Variants in TP53I13 observed in about 807,000 individuals in gnomAD.
TP53I13 encodes the protein tumor protein p53 inducible protein 13, also known as tumor protein p53-inducible protein 13.
Under a neutral mutation model 39.1 loss-of-function variants are expected in TP53I13, and 27 were observed. That is an observed-to-expected ratio of 0.69 (90% CI 0.51 to 0.95). The LOEUF (loss-of-function observed/expected upper bound fraction) is 0.95, where lower values mean the gene tolerates loss of function less well. Among genes scored for constraint, TP53I13 ranks in the 40% least tolerant of loss-of-function variants. The pLI is 0.00. For missense variants in TP53I13, 544 were observed against 520.4 expected, an observed-to-expected ratio of 1.05 and a Z score of -0.44; for synonymous variants, 230 against 224.6, an observed-to-expected ratio of 1.02 and a Z score of -0.22.
At chr17:29,567,387 C>G (rs2032747047), upstream of TP53I13, 1 of 151,964 alleles carries the variant, frequency 6.6e-6, no homozygotes, top group Admixed American at 6.6e-5. The surrounding 1 kb of genome is among the most constrained non-coding windows in gnomAD (Gnocchi z 6.6). Context: ...CCTCAGAGGC[C>G]GATGAAAAGA....
At chr17:29,578,742 T>G in the TP53I13 span, 1 of 1,613,986 alleles carries the variant, frequency 6.2e-7, no homozygotes, top group Non-Finnish European at 8.5e-7. Flanking sequence ...GCCTGCAGCT[T>G]CTTCTTAGCA....
chr17:29,577,778 G>T, downstream of TP53I13: 1 of 1,332,864 alleles, frequency 7.5e-7, no homozygotes, highest in Non-Finnish European at 1.1e-6. Flanking sequence ...CAGCCACGGT[G>T]GCCAGGCCCC....
At chr17:29,577,676 A>G, downstream of TP53I13, 3 of 1,612,838 alleles carry the variant, frequency 1.9e-6, no homozygotes, top group Non-Finnish European at 2.5e-6. Flanking sequence ...TTCCGGGTTA[A>G]CAGGCAGGAA....
At chr17:29,577,698 T>C, downstream of TP53I13, 1 of 1,612,980 alleles carries the variant, frequency 6.2e-7, no homozygotes, top group Non-Finnish European at 8.5e-7. Flanking sequence ...GGCACGGCAC[T>C]GCGCTCTGTC....
chr17:29,568,681 G>A (rs2032796414), upstream of TP53I13: 2 of 972,658 alleles, frequency 2.1e-6, no homozygotes, highest in Non-Finnish European at 1.2e-6. The surrounding 1 kb of genome is among the most constrained non-coding windows in gnomAD (Gnocchi z 4.5). Flanking sequence ...GGGGGCGCTG[G>A]GGCTGGAGGG....
chr17:29,569,517 G>T (rs1308349983), intron 3 of TP53I13, 158 bp downstream of exon 3: 2 of 665,538 alleles, frequency 3.0e-6, no homozygotes, highest in East Asian at 2.7e-5. Context: ...CCAAGCCCAG[G>T]ACAGATCAGC....
At chr17:29,579,042 C>T in the TP53I13 span, 7 of 1,556,604 alleles carry the variant, frequency 4.5e-6, no homozygotes, top group Non-Finnish European at 6.2e-6. Context: ...CGGCAGTTAC[C>T]CAGGAGCAGG....
rs770700462 is a variant in TP53I13 at position 29,571,600 on chromosome 17, G to A, written c.193G>A (p.Val65Ile). Residue 65 changes from valine (V) to isoleucine (I), a missense_variant, in exon 4 of 7, where the codon GTC (valine) becomes ATC (isoleucine). By Grantham distance (29) the Val-to-Ile change is conservative. Transcript: ENST00000301057. ...TRVSPGQAED[V>I]TFLYHPCAHP... ...TGTGCCTTTCCTCCAGGCTGAGGAT[G>A]TCACCTTCCTCTACCACCCCTGTGC... The A allele has an allele frequency of 6.2e-7, 1 of 1,613,586 alleles. No individual in the cohort carries two copies. Among genetic ancestry groups the A allele is most frequent in the East Asian group, 2.2e-5 (1 of 44,900 alleles).
chr17:29,578,842 T>C, the TP53I13 span: 3 of 1,572,188 alleles, frequency 1.9e-6, no homozygotes, highest in Non-Finnish European at 2.6e-6. Flanking sequence ...GCCAGGCCCA[T>C]GCCAGCAACC....
At chr17:29,569,550 CAG>C in intron 3 of TP53I13, 191 bp downstream of exon 3, 3 of 562,096 alleles carry the variant, frequency 5.3e-6, no homozygotes, top group Middle Eastern at 4.8e-4. Context: ...GGCTCAAAGA[CAG>C]TGAGCCATAG....
intron 3 of TP53I13, 42 bp from the exon 4 acceptor site, chr17:29,571,549 G>A: frequency 6.2e-7 from 1 of 1,606,958 alleles, no homozygotes; most frequent in Non-Finnish European, 8.5e-7. Flanking sequence ...TTCTCTGGGA[G>A]GGCTCTGGGC....
At chr17:29,577,705 T>C (rs769240664), downstream of TP53I13, 1 of 1,612,864 alleles carries the variant, frequency 6.2e-7, no homozygotes, top group South Asian at 1.1e-5. Flanking sequence ...CACTGCGCTC[T>C]GTCACCAGAG....
chr17:29,578,388 G>T, the TP53I13 span: 2 of 1,612,836 alleles, frequency 1.2e-6, no homozygotes, highest in African/African-American at 2.7e-5. Flanking sequence ...GAAGAGAGGG[G>T]CCCAGATGTT....
chr17:29,579,122 T>G, the TP53I13 span: 1 of 753,732 alleles, frequency 1.3e-6, no homozygotes, highest in Non-Finnish European at 2.3e-6. Flanking sequence ...GGGACAAAGC[T>G]GAATTCATCT....
intron 3 of TP53I13, chr17:29,571,293 C>T (rs933522677): frequency 8.3e-5 from 33 of 396,644 alleles, no homozygotes; most frequent in African/African-American, 5.8e-4. Flanking sequence ...GTAGAGCCAT[C>T]GTTACACCTG....
the TP53I13 span, chr17:29,579,069 C>T: frequency 3.1e-6 from 4 of 1,274,794 alleles, no homozygotes; most frequent in Non-Finnish European, 4.6e-6. Flanking sequence ...CACGCCTTTT[C>T]ACATCAGGCC....
downstream of TP53I13, chr17:29,576,348 G>C: frequency 2.5e-6 from 4 of 1,613,376 alleles, no homozygotes; most frequent in Non-Finnish European, 3.4e-6. Context: ...CTCCCGCCTG[G>C]CGCCATGGGT....
chr17:29,566,669 A>C, upstream of TP53I13: 8 of 1,599,576 alleles, frequency 5.0e-6, no homozygotes, highest in Non-Finnish European at 5.9e-6. Context: ...CCGGAGAACC[A>C]GGAGCGCGGG....
intron 3 of TP53I13, chr17:29,571,102 GC>G (rs1474192367): frequency 6.0e-6 from 1 of 166,468 alleles, no homozygotes; most frequent in African/African-American, 2.4e-5. Context: ...ACAGCATCTA[GC>G]ACAGCACTGA....
Sources: allele counts gnomAD v4.1 joint callset, GRCh38; gene constraint gnomAD v4.1.1; non-coding constraint Gnocchi (gnomAD v3.1); transcripts MANE v1.5; gene names NCBI Gene and HGNC (gene_info 2026-07-23, HGNC 2026-07-21).